Variants in RPS6KC1 observed in about 807,000 individuals in gnomAD.
RPS6KC1 encodes ribosomal protein S6 kinase C1, also known as inactive ribosomal protein S6 kinase delta-1.
In RPS6KC1, 54 loss-of-function variants were observed where a neutral mutation model predicts 103.8. The observed-to-expected ratio is 0.52, with a 90% confidence interval of 0.42 to 0.65. The LOEUF (loss-of-function observed/expected upper bound fraction) is 0.65, where lower values mean the gene tolerates loss of function less well. RPS6KC1 is among the 30% of genes least tolerant of loss of function. The pLI is 0.00. For missense variants in RPS6KC1, 1,151 were observed against 1,253.8 expected, an observed-to-expected ratio of 0.92 and a Z score of 1.24; for synonymous variants, 439 against 438.7, an observed-to-expected ratio of 1.00 and a Z score of -0.01.
At chr1:213,314,126 T>A in the RPS6KC1 span, among the ~76,000 whole-genome samples, 2 of 151,992 alleles carry the variant, frequency 1.3e-5, no homozygotes, top group Non-Finnish European at 2.9e-5. Flanking sequence ...TTCCTTGGCT[T>A]GAGGCTGCAC....
chr1:213,854,008 C>T, the RPS6KC1 span, among the ~76,000 whole-genome samples: 275 of 152,258 alleles, frequency 1.8e-3, 1 homozygote, highest in African/African-American at 6.4e-3. Flanking sequence ...TTCACATCTC[C>T]CTTTGTAAGA....
chr1:213,317,208 G>A, the RPS6KC1 span, among the ~76,000 whole-genome samples: 56 of 152,294 alleles, frequency 3.7e-4, no homozygotes, highest in Admixed American at 1.0e-3. Context: ...TGAAGAAGGC[G>A]TTCTCTGATT....
chr1:213,397,942 G>A, the RPS6KC1 span, among the ~76,000 whole-genome samples: 8 of 152,286 alleles, frequency 5.3e-5, no homozygotes, highest in South Asian at 1.7e-3. Flanking sequence ...AGAAGGGCCT[G>A]GGCAGTGCTA....
chr1:213,122,577 A>G (rs1572675082), intron 5 of RPS6KC1, among the ~76,000 whole-genome samples: 2 of 152,326 alleles, frequency 1.3e-5, no homozygotes, highest in East Asian at 1.9e-4. Flanking sequence ...CAAAATACAG[A>G]AAGTATTAAA....
chr1:213,248,445 T>C (rs1221448958), intron 12 of RPS6KC1, among the ~76,000 whole-genome samples: 1 of 152,198 alleles, frequency 6.6e-6, no homozygotes, highest in East Asian at 1.9e-4. Context: ...CCAAATCTAT[T>C]TATTCTTCAG....
chr1:213,602,223 TCCTTCCTTCCTTCCTC>T, the RPS6KC1 span, among the ~76,000 whole-genome samples: 30 of 121,488 alleles, frequency 2.5e-4, no homozygotes, highest in Middle Eastern at 3.8e-3. Context: ...CATTCCTTCT[TCCTTCCTTCCTTCCTC>T]TCTTTCTCTC....
chr1:213,425,140 T>C, the RPS6KC1 span, among the ~76,000 whole-genome samples: 1 of 151,308 alleles, frequency 6.6e-6, no homozygotes, highest in Non-Finnish European at 1.5e-5. Flanking sequence ...TCAGTTACAT[T>C]AAAAAAAAAT....
intron 12 of RPS6KC1, among the ~76,000 whole-genome samples, chr1:213,243,273 C>T (rs2094395244): frequency 1.1e-5 from 1 of 91,980 alleles, no homozygotes; most frequent in African/African-American, 3.9e-5. Flanking sequence ...TTATTCCTGG[C>T]TAATTAAAAA....
intron 14 of RPS6KC1, among the ~76,000 whole-genome samples, chr1:213,271,763 C>CAAAAA (rs58938920): frequency 8.7e-6 from 1 of 114,760 alleles, no homozygotes; most frequent in East Asian, 2.4e-4. Flanking sequence ...AACTCCGTCT[C>CAAAAA]AAAAAAAAAA....
the RPS6KC1 span, among the ~76,000 whole-genome samples, chr1:213,425,262 C>G: frequency 6.6e-6 from 1 of 152,192 alleles, no homozygotes; most frequent in African/African-American, 2.4e-5. Context: ...GATTAGGCTG[C>G]CATGCATTGC....
chr1:213,742,633 T>G, the RPS6KC1 span, among the ~76,000 whole-genome samples: 1 of 152,268 alleles, frequency 6.6e-6, no homozygotes, highest in African/African-American at 2.4e-5. Context: ...TAACAATGTA[T>G]GTAGGCTCAG....
At chr1:213,266,901 CTCAAACAAACAAACAAACAA>C (rs2094924242) in intron 14 of RPS6KC1, among the ~76,000 whole-genome samples, 1 of 127,682 alleles carries the variant, frequency 7.8e-6, no homozygotes, top group African/African-American at 2.6e-5. Flanking sequence ...GAGGCTCCGT[CTCAAACAAACAAACAAACAA>C]ACAAACAAAC....
chr1:213,597,335 C>T, the RPS6KC1 span, among the ~76,000 whole-genome samples: 37 of 152,174 alleles, frequency 2.4e-4, no homozygotes, highest in South Asian at 3.3e-3. Context: ...TGTGCAGGGG[C>T]GAGGCGAGCG....
At chr1:213,598,901 C>CA in the RPS6KC1 span, among the ~76,000 whole-genome samples, 1 of 152,138 alleles carries the variant, frequency 6.6e-6, no homozygotes, top group Non-Finnish European at 1.5e-5. Flanking sequence ...AGCCGGGCGA[C>CA]AGAGACTATG....
At chr1:213,440,315 A>G in the RPS6KC1 span, among the ~76,000 whole-genome samples, 2 of 152,314 alleles carry the variant, frequency 1.3e-5, no homozygotes, top group Non-Finnish European at 2.9e-5. Context: ...ACAAGTCACA[A>G]CCAAATGATG....
chr1:213,366,255 A>C, the RPS6KC1 span, among the ~76,000 whole-genome samples: 1 of 152,128 alleles, frequency 6.6e-6, no homozygotes, highest in Non-Finnish European at 1.5e-5. Flanking sequence ...AATGCCCTCT[A>C]CCACCTGTTC....
chr1:213,135,381 G>C (rs1322323678), intron 6 of RPS6KC1, among the ~76,000 whole-genome samples: 1 of 152,026 alleles, frequency 6.6e-6, no homozygotes, highest in Non-Finnish European at 1.5e-5. Context: ...TGCTTATTGA[G>C]GTATGAGCCT....
At chr1:213,257,580 A>T (rs1169931391) in intron 12 of RPS6KC1, among the ~76,000 whole-genome samples, 1 of 152,218 alleles carries the variant, frequency 6.6e-6, no homozygotes, top group Admixed American at 6.5e-5. Context: ...TAAATAATTC[A>T]TGTAAAGTAT....
chr1:213,623,943 G>A, the RPS6KC1 span, among the ~76,000 whole-genome samples: 1 of 152,192 alleles, frequency 6.6e-6, no homozygotes, highest in African/African-American at 2.4e-5. Flanking sequence ...GTTACCGCTG[G>A]ACACTGAAGA....
Sources: gnomAD v4.1 joint callset for allele counts (sites outside exome capture counted in the v4.1 genomes callset) on GRCh38, gnomAD v4.1.1 for gene constraint, MANE v1.5 for transcripts, NCBI Gene and HGNC (gene_info 2026-07-23, HGNC 2026-07-21) for gene names.